ACE: variants seen among roughly 807,000 people sequenced by gnomAD.
The protein encoded by ACE is angiotensin I converting enzyme, also known as angiotensin-converting enzyme.
In ACE, 122 loss-of-function variants were observed where a neutral mutation model predicts 162.3. The observed-to-expected ratio is 0.75, with a 90% confidence interval of 0.65 to 0.87. ACE has a LOEUF of 0.87. ACE is among the 40% of genes least tolerant of loss of function. The pLI is 0.00. For synonymous variants in ACE, 796 were observed against 720.6 expected, an observed-to-expected ratio of 1.10 and a Z score of -1.68; for missense variants, 1,799 against 1,735.1, an observed-to-expected ratio of 1.04 and a Z score of -0.65.
rs781292581 is a variant in ACE at position 63,485,772 on chromosome 17, CAAAAA to C, written c.2058+416_2058+420del. On this transcript the variant is annotated intron_variant, in intron 13 of 24. Transcript: ENST00000290866. ...CCTGGGCGACAGAGCGAGACTCCAT[CAAAAA>C]AAAAAAAAAAAAAAACTCAATTTCA... 3.4e-4 allele frequency: 33 copies of C among 96,436 alleles called. 1 individual carries two copies. The highest frequency in any genetic ancestry group is 8.0e-4 in the South Asian group (3 of 3,756). The allele number at this position is 96,436 out of a possible 1,614,324, so 6.0% of individuals were successfully genotyped here. A position where few individuals can be genotyped will look rare whatever the true frequency, so the allele number is the denominator to read the frequency against.
At chr17:63,486,018 T>G (rs2029912028) in intron 13 of ACE, among the ~76,000 whole-genome samples, 1 of 152,086 alleles carries the variant, frequency 6.6e-6, no homozygotes, top group African/African-American at 2.4e-5. Flanking sequence ...GCTCAAGTCG[T>G]TTTTTAAAAG....
chr17:63,489,067 C>A lies in ACE; in HGVS notation c.2576C>A (p.Ala859Asp). Residue 859 changes from alanine (A) to aspartate (D), a missense_variant, in exon 17 of 25, where the codon GCC becomes GAC. Coordinates refer to ENST00000290866, the MANE Select transcript of ACE (RefSeq NM_000789.4). Reference protein sequence around the residue: ...YLNLHAYVRRALHRHYGAQHI... With the variant: ...YLNLHAYVRRDLHRHYGAQHI... ...AACCTGCATGCCTACGTGCGCCGGGCCCTGCACCGTCACTACGGGGCCCAG... is the reference window on the plus strand; with the variant it reads ...AACCTGCATGCCTACGTGCGCCGGGACCTGCACCGTCACTACGGGGCCCAG... 3 of 1,613,968 alleles carry A rather than the reference C, an allele frequency of 1.9e-6. No homozygotes were observed. The highest frequency in any genetic ancestry group is 2.5e-6 in the Non-Finnish European group (3 of 1,180,040).
Position 63,477,096 on chromosome 17 carries a change from TG to T in ACE, c.7del (p.Ala3?). 1 of 1,305,336 alleles carries T rather than the reference TG, an allele frequency of 7.7e-7. No homozygotes were observed. Among genetic ancestry groups the T allele is most frequent in the Non-Finnish European group, 9.7e-7 (1 of 1,035,016 alleles). The allele number at this position is 1,305,336 out of a possible 1,614,324, so 80.9% of individuals were successfully genotyped here. On this transcript the variant is annotated frameshift_variant and start_lost, in exon 1 of 25. Coordinates refer to ENST00000290866, the MANE Select transcript of ACE (RefSeq NM_000789.4). LOFTEE classifies it high-confidence loss of function. Reference protein sequence around the residue: MGAASGRRGPG... With the variant: XGAASGRRGPG... Reference sequence around the variant, plus strand: ...GAGCCGAGCACCGCGCACCGCGTCATGGGGGCCGCCTCGGGCCGCCGGGGGC... The same window carrying T: ...GAGCCGAGCACCGCGCACCGCGTCATGGGGCCGCCTCGGGCCGCCGGGGGC...
Position 63,491,985 on chromosome 17 carries a change from C to T in ACE, c.2912+604C>T, listed in dbSNP as rs2030417414. On this transcript the variant is annotated intron_variant, in intron 19 of 24. Transcript: ENST00000290866. This position sits in a 1 kb window ranked among gnomAD's most constrained non-coding sequence, Gnocchi z 4.4. ...GGCAGCTCTCACAGCCGGGATGGCT[C>T]AATGGGGGCCATACGTCCAGAGCCC... Among the ~76,000 whole-genome samples the T allele has an allele frequency of 6.6e-6, 1 of 152,240 alleles. No individual in the cohort carries two copies.
Position 63,478,990 on chromosome 17 carries a change from C to G in ACE, c.418-17C>G, listed in dbSNP as rs943919333. On this transcript the variant is annotated splice_polypyrimidine_tract_variant and intron_variant, in intron 2 of 24. Coordinates refer to ENST00000290866, the MANE Select transcript of ACE (RefSeq NM_000789.4). Reference sequence around the variant, plus strand: ...AGGGGCTGGTCACTGGAGCATTCCTCCCCTCTGACTCCCCAGTACAACGCC... The same window carrying G: ...AGGGGCTGGTCACTGGAGCATTCCTGCCCTCTGACTCCCCAGTACAACGCC... 10 of 1,608,732 alleles carry G rather than the reference C, an allele frequency of 6.2e-6. No homozygotes were observed. The highest frequency in any genetic ancestry group is 5.0e-5 in the Admixed American group (3 of 59,860).
At chr17:63,481,528 T>G (rs2049709123) in intron 6 of ACE, 38 bp from the exon 7 acceptor site, 1 of 1,610,502 alleles carries the variant, frequency 6.2e-7, no homozygotes, top group African/African-American at 1.3e-5. Context: ...CCAGCCAGAG[T>G]GGGCTCCCCC....
At chr17:63,493,084 A>G (rs532898636) in intron 19 of ACE, among the ~76,000 whole-genome samples, 16 of 152,352 alleles carry the variant, frequency 1.1e-4, no homozygotes, top group African/African-American at 3.8e-4. Flanking sequence ...AAGCATGTGT[A>G]CATGGGAACC....
chr17:63,490,381 C>T (rs1234938406), intron 17 of ACE: 4 of 163,692 alleles, frequency 2.4e-5, no homozygotes, highest in Admixed American at 5.7e-5. Context: ...GCTGCAGACA[C>T]CGACCTCAGG....
intron 19 of ACE, 132 bp from the exon 20 acceptor site, chr17:63,493,304 C>A: frequency 1.2e-6 from 1 of 840,042 alleles, no homozygotes. Flanking sequence ...CCTCCCTCCC[C>A]ACAGTGCTGT....
intron 15 of ACE, 53 bp downstream of exon 15, chr17:63,487,126 G>C (rs562742823): frequency 2.2e-5 from 34 of 1,512,878 alleles, no homozygotes; most frequent in Non-Finnish European, 2.8e-6. Flanking sequence ...ACTGGCATGG[G>C]GCCCGGGGGT....
chr17:63,483,567 G>GCGGGGCCCCCCCCCCCCCCCCCCCCCCCC lies in ACE; in HGVS notation c.1586+10_1586+11insGGGGCCCCCCCCCCCCCCCCCCCCCCCCC. ...GTGACACCATACATCAGGTATTAGC[G>GCGGGGCCCCCCCCCCCCCCCCCCCCCCCC]CCCCCACCCCACCCACCCCCAGTAC... On this transcript the variant is annotated intron_variant, in intron 10 of 24. Transcript: ENST00000290866. The GCGGGGCCCCCCCCCCCCCCCCCCCCCCCC allele has an allele frequency of 6.3e-7, 1 of 1,589,568 alleles. No individual in the cohort carries two copies. Among genetic ancestry groups the GCGGGGCCCCCCCCCCCCCCCCCCCCCCCC allele is most frequent in the Non-Finnish European group, 8.6e-7 (1 of 1,165,676 alleles).
At position 63,483,979 on chromosome 17, in the gene ACE, G is replaced by C; in HGVS notation, c.1709+8G>C. Reference sequence around the variant, plus strand: ...GGCAGGGGCCAAGCTCCGGTGTGTGGTGGGAAGCCGGGGGAAGTGGGAGGC... The same window carrying C: ...GGCAGGGGCCAAGCTCCGGTGTGTGCTGGGAAGCCGGGGGAAGTGGGAGGC... On this transcript the variant is annotated splice_region_variant and intron_variant, in intron 11 of 24. Transcript: ENST00000290866. The C allele has an allele frequency of 1.9e-6, 3 of 1,611,654 alleles. No homozygotes were observed. The highest frequency in any genetic ancestry group is 2.5e-6 in the Non-Finnish European group (3 of 1,179,068).
At chr17:63,493,357 C>A in intron 19 of ACE, 79 bp from the exon 20 acceptor site, 1 of 1,386,016 alleles carries the variant, frequency 7.2e-7, no homozygotes, top group Non-Finnish European at 1.0e-6. Context: ...CTGGGTATAG[C>A]AAGGCCCACT....
chr17:63,479,165 C>T lies in ACE; in HGVS notation c.511+65C>T, dbSNP rs552063596. 7.5e-6 allele frequency: 10 copies of T among 1,338,542 alleles called. No homozygotes were observed. In the African/African-American group the frequency reaches 1.0e-4, roughly 14 times the overall value. The allele number at this position is 1,338,542 out of a possible 1,614,324, so 82.9% of individuals were successfully genotyped here. A position where few individuals can be genotyped will look rare whatever the true frequency, so the allele number is the denominator to read the frequency against. ...GTTCCCACATTGCCCTGCTGCACTCCAGACCATGCAGTTGTGTAGGGTCTG... is the reference window on the plus strand; with the variant it reads ...GTTCCCACATTGCCCTGCTGCACTCTAGACCATGCAGTTGTGTAGGGTCTG... On this transcript the variant is annotated intron_variant, in intron 3 of 24. Coordinates refer to ENST00000290866, the MANE Select transcript of ACE (RefSeq NM_000789.4).
At chr17:63,490,630 G>A (rs992930820) in intron 17 of ACE, 4 of 405,626 alleles carry the variant, frequency 9.9e-6, no homozygotes, top group Non-Finnish European at 1.9e-5. Context: ...CCACCGGGGT[G>A]TAGGTGTTCT....
chr17:63,477,342 A>T lies in ACE; in HGVS notation c.248A>T (p.Gln83Leu). 3 of 1,214,932 alleles carry T rather than the reference A, an allele frequency of 2.5e-6. No homozygotes were observed. The highest frequency in any genetic ancestry group is 4.5e-5 in the East Asian group (1 of 22,234). 75.3% of individuals were successfully genotyped at this position (1,214,932 alleles called of 1,614,324 possible). The part of the protein sequence containing the change: ...TNITAENARR[Q>L]EEAALLSQEF... ...ATCACCGCGGAGAATGCAAGGCGCCAGGTGGGCGCCCGGGCCCGGGCGGGG... is the reference window on the plus strand; with the variant it reads ...ATCACCGCGGAGAATGCAAGGCGCCTGGTGGGCGCCCGGGCCCGGGCGGGG... Residue 83 changes from glutamine to leucine, a missense_variant and splice_region_variant, in exon 1 of 25, where the codon CAG (glutamine) becomes CTG (leucine). Gln to Leu is a moderately radical substitution (Grantham distance 113, BLOSUM62 -2). Transcript: ENST00000290866.
Position 63,488,940 on chromosome 17 carries a change from G to A in ACE, c.2450-1G>A. The A allele has an allele frequency of 1.2e-6, 2 of 1,614,060 alleles. No homozygotes were observed. Among genetic ancestry groups the A allele is most frequent in the South Asian group, 2.2e-5 (2 of 91,080 alleles). On this transcript the variant is annotated splice_acceptor_variant, in intron 16 of 24. Coordinates refer to ENST00000290866, the MANE Select transcript of ACE (RefSeq NM_000789.4). LOFTEE classifies it high-confidence loss of function. ...AGAGCCTGGCTGTGTCCCCTCTGTA[G>A]GCTATGTAGATGCAGGGGACTCGTG...
rs769531227 is a variant in ACE at position 63,493,996 on chromosome 17, C to A, written c.3211C>A (p.Gln1071Lys). The A allele has an allele frequency of 6.2e-7, 1 of 1,614,106 alleles. No homozygotes were observed. The highest frequency in any genetic ancestry group is 8.5e-7 in the Non-Finnish European group (1 of 1,180,020). ...AFIPFSYLVD[Q>K]WRWRVFDGSI... is the part of the protein sequence containing the mutation. The stretch of plus-strand genomic sequence containing the variant: ...TATCCCCTTCAGCTACCTCGTCGAT[C>A]AGTGGCGCTGGAGGGTATTTGATGG... Residue 1071 changes from glutamine (Q) to lysine (K), a missense_variant, in exon 21 of 25, where the codon CAG becomes AAG. Coordinates refer to ENST00000290866, the MANE Select transcript of ACE (RefSeq NM_000789.4).
intron 1 of ACE, 119 bp from the exon 2 acceptor site, chr17:63,477,812 A>AGGGC: frequency 1.5e-6 from 2 of 1,291,974 alleles, no homozygotes; most frequent in Non-Finnish European, 2.2e-6. Context: ...GGATCTCCCC[A>AGGGC]GGGCCCGGGC....
Sources: allele counts gnomAD v4.1 joint callset (sites outside exome capture counted in the v4.1 genomes callset), GRCh38; gene constraint gnomAD v4.1.1; non-coding constraint Gnocchi (gnomAD v3.1); transcripts MANE v1.5; gene names NCBI Gene and HGNC (gene_info 2026-07-23, HGNC 2026-07-21).